Variants in SLC36A1 observed in about 807,000 individuals in gnomAD.
SLC36A1 encodes the protein solute carrier family 36 member 1.
In SLC36A1, 30 loss-of-function variants were observed where a neutral mutation model predicts 47.5. That is an observed-to-expected ratio of 0.63 (90% confidence interval 0.47 to 0.86). SLC36A1 has a LOEUF of 0.86. Ranked by LOEUF, SLC36A1 falls within the 40% of genes least tolerant of loss-of-function variation. The pLI is 0.00. For synonymous variants in SLC36A1, 255 were observed against 249.7 expected, an observed-to-expected ratio of 1.02 and a Z score of -0.20; for missense variants, 517 against 606.0, an observed-to-expected ratio of 0.85 and a Z score of 1.54.
At chr5:151,452,512 A>G (rs1375675260) in intron 1 of SLC36A1, 1 of 152,234 alleles carries the variant, frequency 6.6e-6, no homozygotes, top group Non-Finnish European at 1.5e-5. Context: ...GGGTGTACCT[A>G]TCATAATAAG....
chr5:151,406,046 G>A, the SLC36A1 span, among the ~76,000 whole-genome samples: 1 of 152,320 alleles, frequency 6.6e-6, no homozygotes, highest in Non-Finnish European at 1.5e-5. Flanking sequence ...AGCGGGGGAT[G>A]AGAGGGTAAA....
the SLC36A1 span, chr5:151,545,458 T>C: frequency 6.2e-7 from 1 of 1,614,192 alleles, no homozygotes; most frequent in Non-Finnish European, 8.5e-7. Flanking sequence ...CATGAGAAGC[T>C]CCATGCCTGG....
chr5:151,428,558 AG>A, the SLC36A1 span, among the ~76,000 whole-genome samples: 4 of 152,160 alleles, frequency 2.6e-5, no homozygotes, highest in African/African-American at 9.7e-5. Flanking sequence ...ATTGCATCCA[AG>A]GTTCCAGAAC....
chr5:151,549,286 G>T, the SLC36A1 span: 1 of 1,611,700 alleles, frequency 6.2e-7, no homozygotes, highest in Non-Finnish European at 8.5e-7. Flanking sequence ...TCATGGCCAG[G>T]CCTCTCACCT....
At chr5:151,527,873 A>G in the SLC36A1 span, 1 of 1,306,842 alleles carries the variant, frequency 7.7e-7, no homozygotes, top group Non-Finnish European at 1.1e-6. Flanking sequence ...AGTGAGAGAC[A>G]TTCTGGGAAG....
the SLC36A1 span, among the ~76,000 whole-genome samples, chr5:151,394,866 G>A: frequency 6.6e-6 from 1 of 152,336 alleles, no homozygotes; most frequent in African/African-American, 2.4e-5. Flanking sequence ...CGCTTGAGGA[G>A]GCAGTCTGTC....
intron 1 of SLC36A1, among the ~76,000 whole-genome samples, chr5:151,448,062 A>G (rs1055802003): frequency 3.3e-5 from 5 of 152,204 alleles, no homozygotes; most frequent in African/African-American, 9.6e-5. Flanking sequence ...CACGCTTCGC[A>G]CAGGTCTCCC....
upstream of SLC36A1, among the ~76,000 whole-genome samples, chr5:151,432,573 G>T (rs1759424748): frequency 6.6e-6 from 1 of 152,142 alleles, no homozygotes; most frequent in Admixed American, 6.5e-5. Context: ...ACTAATCTAG[G>T]TAATGCTGTG....
intron 10 of SLC36A1, chr5:151,479,880 T>C: frequency 1.9e-6 from 1 of 521,454 alleles, no homozygotes; most frequent in Non-Finnish European, 3.3e-6. Context: ...TTCAAATAGT[T>C]GTTTTTCCAC....
At chr5:151,444,774 T>G (rs1235439478), upstream of SLC36A1, among the ~76,000 whole-genome samples, 1 of 152,250 alleles carries the variant, frequency 6.6e-6, no homozygotes, top group Non-Finnish European at 1.5e-5. Flanking sequence ...CATGAGCCAC[T>G]GAGCCCAGTC....
intron 10 of SLC36A1, 76 bp downstream of exon 10, chr5:151,479,565 A>T (rs897327668): frequency 3.3e-6 from 5 of 1,536,486 alleles, no homozygotes; most frequent in Non-Finnish European, 4.4e-6. Flanking sequence ...ATGAGAAAAG[A>T]CAATGTGTGT....
chr5:151,399,180 A>G, the SLC36A1 span, among the ~76,000 whole-genome samples: 963 of 147,170 alleles, frequency 6.5e-3, 10 homozygotes, highest in African/African-American at 0.023. Flanking sequence ...TCCATCTCCC[A>G]GGTTCAAGCG....
chr5:151,379,466 TG>T, the SLC36A1 span, among the ~76,000 whole-genome samples: 1 of 152,220 alleles, frequency 6.6e-6, no homozygotes, highest in Non-Finnish European at 1.5e-5. Context: ...CCCAAGTAGC[TG>T]GGATTACAGG....
At chr5:151,356,376 T>C in the SLC36A1 span, among the ~76,000 whole-genome samples, 4 of 104,488 alleles carry the variant, frequency 3.8e-5, no homozygotes, top group African/African-American at 1.4e-4. Context: ...CACGAAGACC[T>C]GATAAAGTGC....
At chr5:151,483,537 G>C (rs1270857245) in intron 10 of SLC36A1, among the ~76,000 whole-genome samples, 1 of 150,410 alleles carries the variant, frequency 6.6e-6, no homozygotes, top group Non-Finnish European at 1.5e-5. Context: ...GATTAGGGGA[G>C]AGTAGGGAGA....
chr5:151,505,358 C>CTGTT, the SLC36A1 span: 3 of 626,066 alleles, frequency 4.8e-6, no homozygotes, highest in Admixed American at 9.1e-5. Context: ...GACCCTAGTG[C>CTGTT]TGTTTCTGGA....
At chr5:151,505,723 C>T in the SLC36A1 span, 1 of 1,613,896 alleles carries the variant, frequency 6.2e-7, no homozygotes, top group Middle Eastern at 1.6e-4. Flanking sequence ...CGCATACCCA[C>T]CCCCTTGTAG....
the SLC36A1 span, among the ~76,000 whole-genome samples, chr5:151,396,445 G>A: frequency 9.2e-5 from 14 of 152,100 alleles, no homozygotes; most frequent in East Asian, 3.9e-4. Flanking sequence ...CTCAGAAAGC[G>A]AAATCCAAGT....
At chr5:151,403,396 C>T in the SLC36A1 span, among the ~76,000 whole-genome samples, 1 of 152,076 alleles carries the variant, frequency 6.6e-6, no homozygotes, top group Non-Finnish European at 1.5e-5. Flanking sequence ...TTAGTACCAT[C>T]CCCTTGGTAC....
Sources: allele counts gnomAD v4.1 joint callset (sites outside exome capture counted in the v4.1 genomes callset), GRCh38; gene constraint gnomAD v4.1.1; transcripts MANE v1.5; gene names NCBI Gene and HGNC (gene_info 2026-07-23, HGNC 2026-07-21).